MLLT3: variants seen among roughly 807,000 people sequenced by gnomAD.
The protein encoded by MLLT3 is protein AF-9.
In MLLT3, 4 loss-of-function variants were observed where a neutral mutation model predicts 53.2. The ratio of observed to expected loss-of-function variants is 0.08; its 90% CI spans 0.04 to 0.17. MLLT3 has a LOEUF of 0.17. Ranked by LOEUF, MLLT3 falls within the 10% of genes least tolerant of loss-of-function variation. The pLI is 1.00. For missense variants in MLLT3, 569 were observed against 684.0 expected (o/e 0.83, Z 1.87); for synonymous variants, 283 against 230.6 (o/e 1.23, Z -2.06).
chr9:20,360,660 G>A, intron 8 of MLLT3, 82 bp downstream of exon 8: 2 of 1,160,452 alleles, frequency 1.7e-6, no homozygotes, highest in South Asian at 2.5e-5. Flanking sequence ...TTAAAATTCA[G>A]GGATGAAAGT....
intron 2 of MLLT3, among the ~76,000 whole-genome samples, chr9:20,554,489 T>C (rs1169338271): frequency 6.6e-6 from 1 of 152,090 alleles, no homozygotes; most frequent in Non-Finnish European, 1.5e-5. Context: ...GAACAAAATA[T>C]ACTCACAGAA....
At chr9:20,615,885 A>G (rs945294730) in intron 2 of MLLT3, among the ~76,000 whole-genome samples, 1 of 150,012 alleles carries the variant, frequency 6.7e-6, no homozygotes, top group Admixed American at 6.6e-5. Context: ...AAAAAAAAAA[A>G]AAAAAAGAAA....
intron 2 of MLLT3, among the ~76,000 whole-genome samples, chr9:20,504,358 G>C (rs1323091518): frequency 3.3e-5 from 5 of 151,832 alleles, no homozygotes; most frequent in Non-Finnish European, 7.4e-5. Flanking sequence ...AATTGTGTGT[G>C]TGTGTGTGTG....
At chr9:20,477,217 A>G (rs1365172922) in intron 2 of MLLT3, among the ~76,000 whole-genome samples, 1 of 152,184 alleles carries the variant, frequency 6.6e-6, no homozygotes, top group African/African-American at 2.4e-5. Flanking sequence ...AGAAAACTGG[A>G]ACAAAAATGA....
intron 5 of MLLT3, among the ~76,000 whole-genome samples, chr9:20,371,492 T>C (rs1821600745): frequency 6.6e-6 from 1 of 152,198 alleles, no homozygotes; most frequent in Admixed American, 6.5e-5. Context: ...ATTCTGAAAA[T>C]ATCCTAGGGC....
At chr9:20,377,127 A>C (rs1563942630) in intron 5 of MLLT3, among the ~76,000 whole-genome samples, 2 of 152,156 alleles carry the variant, frequency 1.3e-5, no homozygotes, top group Non-Finnish European at 2.9e-5. Context: ...ACAGAAGAGA[A>C]ACAGGAAGGA....
Position 20,375,591 on chromosome 9 carries a change from A to AT in MLLT3, c.1126-9848dup, listed in dbSNP as rs111532941. ...GGCTAGGAACCTTGTTATTTCAGTA[A>AT]TTTTTTTTTTTTTCTTTTCTTTTTT... On this transcript the variant is annotated intron_variant, in intron 5 of 10. Coordinates refer to ENST00000380338, the MANE Select transcript of MLLT3 (RefSeq NM_004529.4). Among the ~76,000 whole-genome samples the AT allele has an allele frequency of 5.0e-3, 628 of 126,044 alleles. 11 individuals carry two copies. The highest frequency in any genetic ancestry group is 0.018 in the African/African-American group (488 of 26,446). The allele number at this position is 126,044 out of a possible 152,430, so 82.7% of individuals were successfully genotyped here.
chr9:20,359,145 CAAAAAAAAAAAAAAAA>C (rs920197622), intron 8 of MLLT3, among the ~76,000 whole-genome samples: 26 of 20,982 alleles, frequency 1.2e-3, no homozygotes, highest in Non-Finnish European at 2.5e-3. Context: ...AACTCCATCT[CAAAAAAAAAAAAAAAA>C]AAAAAAAAAA....
intron 8 of MLLT3, among the ~76,000 whole-genome samples, chr9:20,356,938 G>C (rs1299349432): frequency 6.6e-6 from 1 of 152,158 alleles, no homozygotes; most frequent in African/African-American, 2.4e-5. Flanking sequence ...CCCAGAGAGG[G>C]CTCAGTTAAT....
rs1030962793 is a variant in MLLT3 at position 20,345,903 on chromosome 9, C to T, written c.*540G>A. 4.8e-5 allele frequency: 11 copies of T among 230,618 alleles called. No individual in the cohort carries two copies. Among genetic ancestry groups the T allele is most frequent in the Admixed American group, 3.4e-4 (6 of 17,656 alleles). The allele number at this position is 230,618 out of a possible 1,614,324, so 14.3% of individuals were successfully genotyped here. On this transcript the variant is annotated 3_prime_UTR_variant, in exon 11 of 11. Transcript: ENST00000380338. ...TGGAAAAAGTTGGTGGAAAGTGGCA[C>T]GGTATACGAGTAAGGTCACTGGGCT...
intron 2 of MLLT3, among the ~76,000 whole-genome samples, chr9:20,590,734 C>A (rs1820107028): frequency 6.6e-6 from 1 of 151,952 alleles, no homozygotes; most frequent in Admixed American, 6.6e-5. Context: ...ATACAATTGC[C>A]GTCTTCTTTT....
intron 5 of MLLT3, among the ~76,000 whole-genome samples, chr9:20,378,877 T>C (rs947520208): frequency 2.0e-5 from 3 of 152,076 alleles, no homozygotes; most frequent in Non-Finnish European, 4.4e-5. Flanking sequence ...GTGTTCTCAA[T>C]GTAGCCCCTT....
chr9:20,508,640 T>C lies in MLLT3; in HGVS notation c.194-51854A>G, dbSNP rs1157955042. On this transcript the variant is annotated intron_variant, in intron 2 of 10. Transcript: ENST00000380338. ...AAAGTCAGACTTCATACAATTCAAG[T>C]AGACTAGCCTCGTAAATTAAAGAAA... Among the ~76,000 whole-genome samples the C allele has an allele frequency of 4.6e-5, 7 of 152,302 alleles. No individual in the cohort carries two copies. In the East Asian group the frequency reaches 9.6e-4, roughly 21 times the overall value.
At chr9:20,422,356 A>G (rs1823030746) in intron 4 of MLLT3, among the ~76,000 whole-genome samples, 1 of 152,226 alleles carries the variant, frequency 6.6e-6, no homozygotes, top group South Asian at 2.1e-4. Context: ...ATATCCTCGC[A>G]GATCCAAAAT....
chr9:20,471,833 ATTT>A (rs202241460), intron 2 of MLLT3, among the ~76,000 whole-genome samples: 1 of 143,216 alleles, frequency 7.0e-6, no homozygotes, highest in Admixed American at 7.0e-5. Flanking sequence ...GTCACCTACC[ATTT>A]TTTTTTTTTT....
At chr9:20,454,254 T>C (rs898740380) in intron 3 of MLLT3, among the ~76,000 whole-genome samples, 24 of 151,960 alleles carry the variant, frequency 1.6e-4, no homozygotes, top group East Asian at 9.7e-4. Context: ...TGTGTGTGTG[T>C]GCACACGCAT....
At chr9:20,378,106 A>T (rs1020254096) in intron 5 of MLLT3, among the ~76,000 whole-genome samples, 8 of 150,490 alleles carry the variant, frequency 5.3e-5, no homozygotes, top group Non-Finnish European at 1.0e-4. Flanking sequence ...ACCTCTTTTC[A>T]TATTAGTCTT....
At chr9:20,407,461 T>TGTC (rs1822612989) in intron 5 of MLLT3, among the ~76,000 whole-genome samples, 1 of 152,190 alleles carries the variant, frequency 6.6e-6, no homozygotes, top group South Asian at 2.1e-4. Flanking sequence ...GAGGACAACC[T>TGTC]GTCACCTCCT....
At chr9:20,573,203 G>A (rs1587085184) in intron 2 of MLLT3, among the ~76,000 whole-genome samples, 1 of 134,374 alleles carries the variant, frequency 7.4e-6, no homozygotes, top group South Asian at 2.4e-4. Flanking sequence ...TTTTTTTTGA[G>A]ACAGTCTCAC....
Sources: allele counts gnomAD v4.1 joint callset (sites outside exome capture counted in the v4.1 genomes callset), GRCh38; gene constraint gnomAD v4.1.1; transcripts MANE v1.5; gene names NCBI Gene and HGNC (gene_info 2026-07-23, HGNC 2026-07-21).